MX1: variants seen among roughly 807,000 people sequenced by gnomAD.
The protein encoded by MX1 is MX dynamin like GTPase 1, also known as interferon-induced GTP-binding protein Mx1.
In MX1, 66 loss-of-function variants were observed where a neutral mutation model predicts 66.4. That is an observed-to-expected ratio of 0.99 (90% CI 0.82 to 1.22). The LOEUF (loss-of-function observed/expected upper bound fraction) is 1.22, where lower values mean the gene tolerates loss of function less well. MX1 is among the 50% of genes most tolerant of loss of function. The pLI is 0.00. For synonymous variants in MX1, 311 were observed against 318.1 expected (o/e 0.98, Z 0.24); for missense variants, 787 against 834.3 (o/e 0.94, Z 0.70).
At chr21:41,456,615 C>T (rs1027815381) in intron 16 of MX1, among the ~76,000 whole-genome samples, 3 of 152,152 alleles carry the variant, frequency 2.0e-5, no homozygotes, top group Non-Finnish European at 4.4e-5. Flanking sequence ...ACTGGGGACT[C>T]GAGCCTAGCC....
At chr21:41,445,950 A>G (rs777678174) in intron 12 of MX1, 50 bp from the exon 13 acceptor site, 9 of 1,598,942 alleles carry the variant, frequency 5.6e-6, no homozygotes, top group South Asian at 2.2e-5. Context: ...TGACCTTGAC[A>G]CTTGGATTTG....
chr21:41,445,955 G>C, intron 12 of MX1, 45 bp from the exon 13 acceptor site: 2 of 1,601,660 alleles, frequency 1.2e-6, no homozygotes, highest in Non-Finnish European at 1.7e-6. Context: ...TTGACACTTG[G>C]ATTTGAAGTC....
upstream of MX1, among the ~76,000 whole-genome samples, chr21:41,423,747 C>T (rs2090016619): frequency 6.6e-6 from 1 of 152,188 alleles, no homozygotes; most frequent in African/African-American, 2.4e-5. Flanking sequence ...ACCACCTATA[C>T]TCCCCAAGGC....
At chr21:41,443,957 C>A in intron 11 of MX1, 91 bp downstream of exon 11, 1 of 1,188,052 alleles carries the variant, frequency 8.4e-7, no homozygotes, top group Non-Finnish European at 1.2e-6. Context: ...ACTGTACACA[C>A]AGATCTTCTG....
chr21:41,429,037 C>A (rs1228433540), intron 3 of MX1: 1 of 152,184 alleles, frequency 6.6e-6, no homozygotes, highest in African/African-American at 2.4e-5. Flanking sequence ...GGGCTGGAAC[C>A]CTGCAGCCTC....
intron 5 of MX1, 97 bp from the exon 6 acceptor site, chr21:41,435,740 C>T (rs977819172): frequency 6.2e-5 from 83 of 1,346,042 alleles, no homozygotes; most frequent in African/African-American, 8.7e-5. Context: ...ATGGGGATTA[C>T]AATTCGAGAT....
chr21:41,446,499 A>G (rs1245168379), intron 13 of MX1, among the ~76,000 whole-genome samples: 1 of 152,214 alleles, frequency 6.6e-6, no homozygotes, highest in Non-Finnish European at 1.5e-5. Context: ...TTTATGCCCT[A>G]CTGCAGTCTA....
At chr21:41,428,749 G>A (rs2090134015) in intron 3 of MX1, 1 of 152,188 alleles carries the variant, frequency 6.6e-6, no homozygotes, top group Admixed American at 6.5e-5. Flanking sequence ...CCTTTACTAT[G>A]AGCGAAAGTG....
intron 13 of MX1, among the ~76,000 whole-genome samples, chr21:41,446,838 G>A (rs772369783): frequency 4.6e-5 from 7 of 152,198 alleles, no homozygotes; most frequent in Non-Finnish European, 2.9e-5. Flanking sequence ...ACACCAACAT[G>A]TAGACCATAG....
chr21:41,422,359 T>C (rs2090002619), upstream of MX1, among the ~76,000 whole-genome samples: 1 of 152,166 alleles, frequency 6.6e-6, no homozygotes, highest in Admixed American at 6.5e-5. Flanking sequence ...ACCCCGTGTT[T>C]AGCATATCAT....
chr21:41,451,422 A>G (rs1348794727), intron 15 of MX1, among the ~76,000 whole-genome samples, 179 bp downstream of exon 15: 1 of 152,240 alleles, frequency 6.6e-6, no homozygotes, highest in African/African-American at 2.4e-5. Context: ...TAAAAGCAAT[A>G]AAGGAGGGAG....
chr21:41,431,969 C>T, intron 4 of MX1, 81 bp from the exon 5 acceptor site: 2 of 1,137,750 alleles, frequency 1.8e-6, no homozygotes, highest in Non-Finnish European at 2.6e-6. Context: ...CAGGGGCCTT[C>T]CGTTCTGGTG....
intron 16 of MX1, among the ~76,000 whole-genome samples, chr21:41,453,378 A>G (rs2090883920): frequency 6.6e-6 from 1 of 152,232 alleles, no homozygotes; most frequent in Non-Finnish European, 1.5e-5. Flanking sequence ...CCTTCGTAGA[A>G]GCAGCTCAAC....
chr21:41,432,260 T>C (rs1455760320), intron 5 of MX1, 85 bp downstream of exon 5: 2 of 1,150,732 alleles, frequency 1.7e-6, no homozygotes, highest in Non-Finnish European at 2.6e-6. Context: ...GTGCTACTGC[T>C]GCCCAGATAT....
chr21:41,432,221 C>A, intron 5 of MX1, 46 bp downstream of exon 5: 2 of 1,563,378 alleles, frequency 1.3e-6, no homozygotes. Flanking sequence ...ATGAGCCATG[C>A]CCATTCGAGG....
chr21:41,458,733 G>A lies in MX1; in HGVS notation c.1964G>A (p.Arg655His), dbSNP rs150969307. 441 of 1,612,870 alleles carry A rather than the reference G, an allele frequency of 2.7e-4. No individual in the cohort carries two copies. The highest frequency in any genetic ancestry group is 3.4e-4 in the Non-Finnish European group (397 of 1,180,018). ...ERLARLTQAR[R>H]RLAQFPG is the part of the protein sequence containing the mutation. ...CTTGCACGGCTGACGCAGGCTCGGCGCCGGCTTGCCCAGTTCCCCGGTTAA... is the reference window on the plus strand; with the variant it reads ...CTTGCACGGCTGACGCAGGCTCGGCACCGGCTTGCCCAGTTCCCCGGTTAA... Residue 655 changes from arginine (R) to histidine (H), a missense_variant, in exon 17 of 17, where the codon CGC (arginine) becomes CAC (histidine). Arg to His is a conservative substitution (Grantham distance 29). Coordinates refer to ENST00000398598, the MANE Select transcript of MX1 (RefSeq NM_002462.5).
chr21:41,432,955 T>C (rs1461254075), intron 5 of MX1, among the ~76,000 whole-genome samples: 4 of 152,238 alleles, frequency 2.6e-5, no homozygotes, highest in African/African-American at 9.6e-5. Context: ...TTTACATTTT[T>C]CTGCATTTCC....
Position 41,449,130 on chromosome 21 carries a change from G to T in MX1, c.1274-7G>T. The T allele has an allele frequency of 2.5e-6, 4 of 1,602,020 alleles. No individual in the cohort carries two copies. The highest frequency in any genetic ancestry group is 3.5e-5 in the Admixed American group (2 of 57,568). ...AATAATTTAGAGGGTTTTTTTTCCT[G>T]CTATAGGCCATAAAATTTTGAGTAG... On this transcript the variant is annotated splice_polypyrimidine_tract_variant and splice_region_variant and intron_variant, in intron 13 of 16. Coordinates refer to ENST00000398598, the MANE Select transcript of MX1 (RefSeq NM_002462.5).
chr21:41,440,591 G>A (rs1261951831), intron 8 of MX1, among the ~76,000 whole-genome samples: 1 of 152,114 alleles, frequency 6.6e-6, no homozygotes, highest in Non-Finnish European at 1.5e-5. Flanking sequence ...GGGTTTTTTG[G>A]CCACCATTTT....
Sources: allele counts gnomAD v4.1 joint callset (sites outside exome capture counted in the v4.1 genomes callset), GRCh38; gene constraint gnomAD v4.1.1; transcripts MANE v1.5; gene names NCBI Gene and HGNC (gene_info 2026-07-23, HGNC 2026-07-21).